Variants in NCAPD3 observed in about 807,000 individuals in gnomAD.
NCAPD3 encodes the protein non-SMC condensin II complex subunit D3.
NCAPD3 carries 105 observed loss-of-function variants against 182.9 expected under a neutral mutation model. The observed-to-expected ratio is 0.57, with a 90% CI of 0.49 to 0.68. The LOEUF is 0.68. Ranked by LOEUF, NCAPD3 falls within the 30% of genes least tolerant of loss-of-function variation. The pLI, the probability that NCAPD3 is intolerant of heterozygous loss-of-function variation, is 0.00. For missense variants in NCAPD3, 1,944 were observed against 1,837.0 expected, an observed-to-expected ratio of 1.06 and a Z score of -1.07; for synonymous variants, 815 against 679.9, an observed-to-expected ratio of 1.20 and a Z score of -3.09.
At chr11:134,200,477 T>C (rs553369240) in intron 13 of NCAPD3, among the ~76,000 whole-genome samples, 85 of 152,086 alleles carry the variant, frequency 5.6e-4, no homozygotes, top group Non-Finnish European at 9.7e-4. Context: ...CTATGAAAAT[T>C]TACTCAACAT....
intron 11 of NCAPD3, 146 bp from the exon 12 acceptor site, chr11:134,203,344 G>A: frequency 1.4e-6 from 1 of 704,820 alleles, no homozygotes; most frequent in Non-Finnish European, 2.4e-6. Context: ...GTTCTCCTTG[G>A]GTATGCATTG....
At chr11:134,186,667 CACAT>C (rs1944412455) in intron 16 of NCAPD3, among the ~76,000 whole-genome samples, 2 of 152,184 alleles carry the variant, frequency 1.3e-5, no homozygotes, top group South Asian at 2.1e-4. Flanking sequence ...TCTGGGAAAA[CACAT>C]ACACATACAT....
chr11:134,224,038 CCAACCA>C, upstream of NCAPD3: 1 of 1,294,732 alleles, frequency 7.7e-7, no homozygotes, highest in South Asian at 1.3e-5. Context: ...TTCCCACTGG[CCAACCA>C]CCGCGCCGAG....
Position 134,153,272 on chromosome 11 carries a change from G to C in NCAPD3, c.4327+17C>G, listed in dbSNP as rs186456481. 1.2e-6 allele frequency: 2 copies of C among 1,614,048 alleles called. No individual in the cohort carries two copies. The highest frequency in any genetic ancestry group is 2.2e-5 in the East Asian group (1 of 44,874). ...AGGCAGTGCATCTATCAGCCCAGAAGGACACCAAGAACTTGCCTTTGGCTG... is the reference window on the plus strand; with the variant it reads ...AGGCAGTGCATCTATCAGCCCAGAACGACACCAAGAACTTGCCTTTGGCTG... On this transcript the variant is annotated intron_variant, in intron 33 of 34. Coordinates refer to ENST00000534548, the MANE Select transcript of NCAPD3 (RefSeq NM_015261.3).
intron 24 of NCAPD3, among the ~76,000 whole-genome samples, chr11:134,174,724 G>A (rs1944118004): frequency 6.6e-6 from 1 of 152,170 alleles, no homozygotes. Flanking sequence ...AAGCTAGGGA[G>A]AGGATTTTGA....
chr11:134,178,659 A>C lies in NCAPD3; in HGVS notation c.2757T>G (p.Ile919Met). 6.3e-7 allele frequency: 1 copy of C among 1,580,080 alleles called. No homozygotes were observed. Among genetic ancestry groups the C allele is most frequent in the Non-Finnish European group, 8.6e-7 (1 of 1,161,674 alleles). The change falls in exon 22 of 35, where the codon ATT becomes ATG. Residue 919 changes from isoleucine (I) to methionine (M), a missense_variant. Ile to Met is a conservative substitution (Grantham distance 10). Coordinates refer to ENST00000534548, the MANE Select transcript of NCAPD3 (RefSeq NM_015261.3). ...QVRGSVMPSV[I>M]RAHAIITLGK... ...CTAAGGTAATGATGGCATGTGCTCT[A>C]ATCACAGAGGGCATGACAGAACCTC...
chr11:134,168,866 C>T, intron 25 of NCAPD3, 51 bp downstream of exon 25: 1 of 1,580,812 alleles, frequency 6.3e-7, no homozygotes, highest in South Asian at 1.2e-5. Flanking sequence ...CCCCTGATTC[C>T]CCCAGCTCTT....
chr11:134,201,244 G>A (rs1480810316), intron 13 of NCAPD3, among the ~76,000 whole-genome samples: 2 of 151,824 alleles, frequency 1.3e-5, no homozygotes, highest in Non-Finnish European at 2.9e-5. Context: ...GGATGGTCTC[G>A]ATCTCCTGAC....
In NCAPD3 at chr11:134,168,391, A is replaced by G. The variant is rs58455167; in HGVS notation, c.3373+78T>C. The G allele has an allele frequency of 2.6e-3, 4,135 of 1,587,240 alleles. 79 individuals carry two copies. The African/African-American group carries it at 0.045, about 17-fold the overall frequency. On this transcript the variant is annotated intron_variant, in intron 26 of 34. Transcript: ENST00000534548. ...CTGCAGTGCCAGGGTCTCCCTTACT[A>G]GAGGCCTGCTGGGCCATTATCAACA... is the stretch of plus-strand genomic sequence containing the variant.
chr11:134,219,107 C>G (rs1240516926), intron 2 of NCAPD3, among the ~76,000 whole-genome samples: 1 of 152,196 alleles, frequency 6.6e-6, no homozygotes, highest in Non-Finnish European at 1.5e-5. Flanking sequence ...CCCGTTCCAC[C>G]ACACTTTTTC....
intron 22 of NCAPD3, 149 bp downstream of exon 22, chr11:134,178,485 C>G: frequency 1.8e-6 from 1 of 554,100 alleles, no homozygotes; most frequent in South Asian, 3.9e-5. Context: ...GCTCAGCACT[C>G]AGATCAGAGC....
intron 23 of NCAPD3, among the ~76,000 whole-genome samples, chr11:134,176,876 C>T (rs896025358): frequency 6.6e-6 from 1 of 152,202 alleles, no homozygotes; most frequent in Non-Finnish European, 1.5e-5. Flanking sequence ...AAGAAGTTAC[C>T]TCTCAGAAAT....
intron 21 of NCAPD3, 24 bp from the exon 22 acceptor site, chr11:134,178,765 A>T: frequency 6.2e-7 from 1 of 1,608,368 alleles, no homozygotes; most frequent in Admixed American, 1.7e-5. Context: ...AGAGAAAGTT[A>T]CCGACAGAAC....
intron 15 of NCAPD3, 92 bp downstream of exon 15, chr11:134,193,924 T>C (rs1381027377): frequency 7.4e-7 from 1 of 1,357,690 alleles, no homozygotes; most frequent in Non-Finnish European, 1.0e-6. Context: ...TTTTTAAAGG[T>C]CAACTTAACG....
chr11:134,152,747 A>G lies in NCAPD3; in HGVS notation c.*197T>C, dbSNP rs1274657855. On this transcript the variant is annotated 3_prime_UTR_variant, in exon 35 of 35. Coordinates refer to ENST00000534548, the MANE Select transcript of NCAPD3 (RefSeq NM_015261.3). ...GAAAATCTAAATCTGGCACATCTCT[A>G]TTATTTGACAGTGTTTAACCAAATA... 4.2e-6 allele frequency: 2 copies of G among 476,518 alleles called. No individual in the cohort carries two copies. Among genetic ancestry groups the G allele is most frequent in the Non-Finnish European group, 3.7e-6 (1 of 272,354 alleles). The allele number at this position is 476,518 out of a possible 1,614,324, so 29.5% of individuals were successfully genotyped here.
intron 24 of NCAPD3, among the ~76,000 whole-genome samples, chr11:134,175,186 G>A (rs1425771185): frequency 6.6e-6 from 1 of 152,142 alleles, no homozygotes; most frequent in Non-Finnish European, 1.5e-5. Context: ...ACATATAGGG[G>A]CTAACAACAG....
intron 2 of NCAPD3, 31 bp from the exon 3 acceptor site, chr11:134,217,129 G>A: frequency 6.5e-7 from 1 of 1,531,328 alleles, no homozygotes; most frequent in Non-Finnish European, 8.8e-7. Flanking sequence ...ACAAAAGCCA[G>A]TCATTAGAGA....
At chr11:134,165,142 C>A (rs1278691051) in intron 27 of NCAPD3, among the ~76,000 whole-genome samples, 1 of 150,978 alleles carries the variant, frequency 6.6e-6, no homozygotes, top group South Asian at 2.1e-4. Context: ...AGGGGAGCAG[C>A]ACACTCACTT....
At chr11:134,182,368 T>G (rs927486307) in intron 19 of NCAPD3, among the ~76,000 whole-genome samples, 1 of 152,238 alleles carries the variant, frequency 6.6e-6, no homozygotes, top group South Asian at 2.1e-4. Context: ...TTTCCATTCA[T>G]TGGTCCAGAT....
Sources: gnomAD v4.1 joint callset for allele counts (sites outside exome capture counted in the v4.1 genomes callset) on GRCh38, gnomAD v4.1.1 for gene constraint, MANE v1.5 for transcripts, NCBI Gene and HGNC (gene_info 2026-07-23, HGNC 2026-07-21) for gene names.